The following PFDN1 variants were observed in gnomAD, a reference collection of about 807,000 sequenced individuals.
PFDN1 encodes the protein prefoldin 1.
In PFDN1, 6 loss-of-function variants were observed where a neutral mutation model predicts 17.3. The observed-to-expected ratio is 0.35, with a 90% CI of 0.19 to 0.69. PFDN1 has a LOEUF of 0.69. Ranked by LOEUF, PFDN1 falls within the 30% of genes least tolerant of loss-of-function variation. The pLI is 0.65. For synonymous variants in PFDN1, 58 were observed against 50.1 expected, an observed-to-expected ratio of 1.16 and a Z score of -0.67; for missense variants, 113 against 146.2, an observed-to-expected ratio of 0.77 and a Z score of 1.17.
intron 3 of PFDN1, among the ~76,000 whole-genome samples, chr5:140,268,178 T>C (rs1230705395): frequency 6.6e-6 from 1 of 152,198 alleles, no homozygotes; most frequent in Non-Finnish European, 1.5e-5. Context: ...CAAAACAGCA[T>C]TGTCCCTAGT....
intron 3 of PFDN1, among the ~76,000 whole-genome samples, chr5:140,266,399 A>G (rs1182768084): frequency 6.6e-6 from 1 of 152,204 alleles, no homozygotes; most frequent in Non-Finnish European, 1.5e-5. Context: ...AAAGCCTGCA[A>G]TGTCTAACTG....
chr5:140,248,069 ACT>A (rs1261088834), intron 3 of PFDN1, among the ~76,000 whole-genome samples: 1 of 140,324 alleles, frequency 7.1e-6, no homozygotes, highest in Non-Finnish European at 1.6e-5. Context: ...TTGATAAACA[ACT>A]CTTTTTTTTT....
chr5:140,300,850 T>A (rs985867097), intron 1 of PFDN1, among the ~76,000 whole-genome samples: 19 of 152,160 alleles, frequency 1.2e-4, no homozygotes. Flanking sequence ...CAAGGAGTAG[T>A]AAAAGAAATA....
At chr5:140,272,053 T>A in intron 3 of PFDN1, among the ~76,000 whole-genome samples, 1 of 151,532 alleles carries the variant, frequency 6.6e-6, no homozygotes, top group East Asian at 1.9e-4. Context: ...GGAGTCTCAC[T>A]GTGACGCCCA....
At chr5:140,278,587 A>AAAAAAAAAAAAAAAAAAAC (rs1561508718) in intron 3 of PFDN1, among the ~76,000 whole-genome samples, 1 of 131,784 alleles carries the variant, frequency 7.6e-6, no homozygotes, top group Non-Finnish European at 1.6e-5. Flanking sequence ...AAAAAAAAAA[A>AAAAAAAAAAAAAAAAAAAC]CAAAAAACAA....
chr5:140,275,275 G>C (rs1018410573), intron 3 of PFDN1, among the ~76,000 whole-genome samples: 1 of 151,906 alleles, frequency 6.6e-6, no homozygotes, highest in Admixed American at 6.6e-5. Context: ...TGGGCATGGC[G>C]GGGTGTGCCT....
chr5:140,248,914 C>T (rs1764870023), intron 3 of PFDN1, among the ~76,000 whole-genome samples: 1 of 152,216 alleles, frequency 6.6e-6, no homozygotes, highest in Non-Finnish European at 1.5e-5. Flanking sequence ...TCCTGGGCTC[C>T]AGCAATCCTC....
At position 140,273,272 on chromosome 5, in the gene PFDN1, G is replaced by A. The variant is rs1312788479; in HGVS notation, c.285+8177C>T. Among the ~76,000 whole-genome samples, 6 of 150,464 alleles carry A rather than the reference G, an allele frequency of 4.0e-5. No individual in the cohort carries two copies. The South Asian group carries it at 1.3e-3, about 32-fold the overall frequency. ...AAAAAAAAAAAAAAAGAGAAAAACAGAGGTAAGAATCAGTGACTATCATAC... is the reference window on the plus strand; with the variant it reads ...AAAAAAAAAAAAAAAGAGAAAAACAAAGGTAAGAATCAGTGACTATCATAC... On this transcript the variant is annotated intron_variant, in intron 3 of 3. Coordinates refer to ENST00000261813, the MANE Select transcript of PFDN1 (RefSeq NM_002622.5).
At chr5:140,299,124 T>A (rs1354984714) in intron 2 of PFDN1, among the ~76,000 whole-genome samples, 1 of 152,234 alleles carries the variant, frequency 6.6e-6, no homozygotes, top group Non-Finnish European at 1.5e-5. Context: ...CTGAAAGATT[T>A]ATGATTTGTA....
intron 3 of PFDN1, among the ~76,000 whole-genome samples, chr5:140,248,922 C>A (rs1178459371): frequency 6.6e-6 from 1 of 152,210 alleles, no homozygotes; most frequent in African/African-American, 2.4e-5. Context: ...TCCAGCAATC[C>A]TCTTGCCTTA....
chr5:140,288,929 G>A (rs1765538790), intron 2 of PFDN1, among the ~76,000 whole-genome samples: 1 of 150,640 alleles, frequency 6.6e-6, no homozygotes, highest in Admixed American at 6.6e-5. Context: ...AGTTTGCAGT[G>A]AGCCGAGATC....
intron 2 of PFDN1, among the ~76,000 whole-genome samples, chr5:140,289,620 G>T (rs1209908472): frequency 6.6e-6 from 1 of 152,018 alleles, no homozygotes; most frequent in African/African-American, 2.4e-5. Flanking sequence ...TATTTTCAAG[G>T]CCTCAACTTA....
intron 2 of PFDN1, among the ~76,000 whole-genome samples, chr5:140,282,571 T>C (rs1287803420): frequency 1.3e-5 from 2 of 152,224 alleles, no homozygotes; most frequent in African/African-American, 2.4e-5. Context: ...ATAGTACCTC[T>C]GAAAAGCTCA....
intron 2 of PFDN1, among the ~76,000 whole-genome samples, chr5:140,284,392 G>C (rs1765454661): frequency 6.6e-6 from 1 of 152,138 alleles, no homozygotes; most frequent in Admixed American, 6.5e-5. Flanking sequence ...TTAAAAAATG[G>C]CAAAGATATA....
intron 2 of PFDN1, among the ~76,000 whole-genome samples, chr5:140,297,160 A>C (rs1158869169): frequency 6.6e-6 from 1 of 152,238 alleles, no homozygotes; most frequent in Non-Finnish European, 1.5e-5. Flanking sequence ...GCATGTTCTA[A>C]AAGAAAAATG....
chr5:140,249,140 G>C (rs527938668), intron 3 of PFDN1, among the ~76,000 whole-genome samples: 46 of 152,176 alleles, frequency 3.0e-4, no homozygotes, highest in Non-Finnish European at 6.2e-4. Context: ...CCCAGAACAA[G>C]GCACCTGTTG....
At chr5:140,253,607 C>T (rs1007191487) in intron 3 of PFDN1, among the ~76,000 whole-genome samples, 3 of 152,110 alleles carry the variant, frequency 2.0e-5, no homozygotes, top group Non-Finnish European at 2.9e-5. Flanking sequence ...GAGCCAGGAG[C>T]GGCAACTGTC....
intron 2 of PFDN1, among the ~76,000 whole-genome samples, chr5:140,284,848 G>A (rs1765460866): frequency 1.3e-5 from 2 of 152,194 alleles, no homozygotes; most frequent in African/African-American, 4.8e-5. Context: ...TCAAGGACTT[G>A]TAACCTGCTA....
chr5:140,264,485 C>T, intron 3 of PFDN1, among the ~76,000 whole-genome samples: 1 of 152,172 alleles, frequency 6.6e-6, no homozygotes, highest in East Asian at 1.9e-4. Context: ...TGCTAAGAAT[C>T]TTAAAGATGA....
Sources: allele counts gnomAD v4.1 joint callset (sites outside exome capture counted in the v4.1 genomes callset), GRCh38; gene constraint gnomAD v4.1.1; transcripts MANE v1.5; gene names NCBI Gene and HGNC (gene_info 2026-07-23, HGNC 2026-07-21).